The following MACROD2 variants were observed in gnomAD, a reference collection of about 807,000 sequenced individuals.
MACROD2 encodes the protein ADP-ribose glycohydrolase MACROD2.
MACROD2 carries 36 observed loss-of-function variants against 70.4 expected under a neutral mutation model. The ratio of observed to expected loss-of-function variants is 0.51; its 90% CI spans 0.39 to 0.68. MACROD2 has a LOEUF of 0.68. Ranked by LOEUF, MACROD2 falls within the 30% of genes least tolerant of loss-of-function variation. MACROD2 has a pLI of 0.00. For missense variants in MACROD2, 496 were observed against 538.4 expected, an observed-to-expected ratio of 0.92 and a Z score of 0.78; for synonymous variants, 172 against 178.8, an observed-to-expected ratio of 0.96 and a Z score of 0.30.
Position 15,562,359 on chromosome 20 carries a change from A to G in MACROD2, c.645+62512A>G, listed in dbSNP as rs539036649. On this transcript the variant is annotated intron_variant, in intron 8 of 17. Transcript: ENST00000684519. ...AAGCCCATGTGTGAATACAAAGTTA[A>G]TTAGTATGAAAAGTCCCATTTTCCA... is the stretch of plus-strand genomic sequence containing the variant. Among the ~76,000 whole-genome samples the G allele has an allele frequency of 9.8e-5, 15 of 152,314 alleles. No individual in the cohort carries two copies. In the South Asian group the frequency reaches 3.1e-3, roughly 32 times the overall value.
chr20:15,744,766 T>G (rs1431749309), intron 8 of MACROD2, among the ~76,000 whole-genome samples: 1 of 151,922 alleles, frequency 6.6e-6, no homozygotes, highest in African/African-American at 2.4e-5. Context: ...AGGTGCCGTT[T>G]CAGAAGCATT....
At chr20:14,496,409 T>C (rs1568639467) in intron 4 of MACROD2, among the ~76,000 whole-genome samples, 1 of 152,160 alleles carries the variant, frequency 6.6e-6, no homozygotes, top group East Asian at 1.9e-4. Context: ...GTATGCAAAA[T>C]TGTATTAGCC....
intron 3 of MACROD2, among the ~76,000 whole-genome samples, chr20:14,271,096 C>T (rs2082190508): frequency 6.6e-6 from 1 of 152,236 alleles, no homozygotes; most frequent in African/African-American, 2.4e-5. Context: ...GCAGTAACCT[C>T]TGCAGACTTA....
chr20:14,738,365 T>C (rs1301964627), intron 5 of MACROD2, among the ~76,000 whole-genome samples: 1 of 152,150 alleles, frequency 6.6e-6, no homozygotes, highest in East Asian at 1.9e-4. Flanking sequence ...GTGATCGCCT[T>C]ATACTTCAAG....
intron 5 of MACROD2, chr20:14,757,482 G>A: frequency 3.9e-6 from 2 of 518,406 alleles, no homozygotes; most frequent in Non-Finnish European, 3.5e-6. Flanking sequence ...TCTTAGGTAG[G>A]CATTAAAGAA....
At position 16,047,881 on chromosome 20, in the gene MACROD2, C is replaced by A. The variant is rs146669697; in HGVS notation, c.1301-1949C>A. On this transcript the variant is annotated intron_variant, in intron 17 of 17. Transcript: ENST00000684519. ...TCAACGTAAGGAGTTGGAACTGATACCTCTGCATAAATAAATCTAGGACTT... is the reference window on the plus strand; with the variant it reads ...TCAACGTAAGGAGTTGGAACTGATAACTCTGCATAAATAAATCTAGGACTT... Among the ~76,000 whole-genome samples, 22 of 152,282 alleles carry A rather than the reference C, an allele frequency of 1.4e-4. No individual in the cohort carries two copies. In the East Asian group the frequency reaches 4.1e-3, roughly 28 times the overall value.
intron 5 of MACROD2, among the ~76,000 whole-genome samples, chr20:14,973,050 T>C (rs1257479729): frequency 6.6e-6 from 1 of 152,174 alleles, no homozygotes. Flanking sequence ...TAGCAAGCTG[T>C]TATTTTCATC....
At chr20:14,651,894 G>A (rs1985698406) in intron 4 of MACROD2, among the ~76,000 whole-genome samples, 1 of 152,076 alleles carries the variant, frequency 6.6e-6, no homozygotes, top group Non-Finnish European at 1.5e-5. Context: ...TCTCACCTAG[G>A]TAGCAGCCTC....
intron 5 of MACROD2, among the ~76,000 whole-genome samples, chr20:14,826,319 T>C (rs1009822554): frequency 6.6e-6 from 1 of 152,104 alleles, no homozygotes; most frequent in African/African-American, 2.4e-5. Context: ...ATACATGTAT[T>C]ACTATATCCC....
intron 3 of MACROD2, among the ~76,000 whole-genome samples, chr20:14,490,853 C>T (rs2084785648): frequency 6.6e-6 from 1 of 152,126 alleles, no homozygotes; most frequent in Non-Finnish European, 1.5e-5. Flanking sequence ...TTGCTTTCTT[C>T]ACAAACTTCA....
intron 3 of MACROD2, among the ~76,000 whole-genome samples, chr20:14,386,847 C>T (rs904281269): frequency 6.6e-6 from 1 of 152,152 alleles, no homozygotes; most frequent in South Asian, 2.1e-4. Flanking sequence ...TTCTCTGTCT[C>T]CTTTGCTTCA....
At chr20:15,434,789 G>A (rs1166723234) in intron 7 of MACROD2, among the ~76,000 whole-genome samples, 1 of 152,064 alleles carries the variant, frequency 6.6e-6, no homozygotes, top group Non-Finnish European at 1.5e-5. Flanking sequence ...CAACCAATGA[G>A]TAGATAAAGA....
intron 5 of MACROD2, among the ~76,000 whole-genome samples, chr20:14,718,467 C>G (rs1427223657): frequency 6.6e-6 from 1 of 151,906 alleles, no homozygotes; most frequent in African/African-American, 2.4e-5. Flanking sequence ...AACTCCTTCT[C>G]TCCCTCCACT....
chr20:14,899,176 G>A (rs1395074746), intron 5 of MACROD2, among the ~76,000 whole-genome samples: 2 of 152,172 alleles, frequency 1.3e-5, no homozygotes, highest in Non-Finnish European at 2.9e-5. Flanking sequence ...TTAGGAGAAA[G>A]CAGGCATTTG....
Position 14,191,955 on chromosome 20 carries a change from T to C in MACROD2, c.271+106227T>C, listed in dbSNP as rs75561939. Among the ~76,000 whole-genome samples, 814 of 149,394 alleles carry C rather than the reference T, an allele frequency of 5.4e-3. 7 individuals are homozygous for C. The highest frequency in any genetic ancestry group is 0.038 in the Middle Eastern group (11 of 288). ...CTTGATCTGACTTACCTTTTTAAAA[T>C]ACTGTGTGGCTTCTGTATAGTTTGT... is the stretch of plus-strand genomic sequence containing the variant. On this transcript the variant is annotated intron_variant, in intron 3 of 17. Transcript: ENST00000684519.
At chr20:14,216,142 T>A (rs189105185) in intron 3 of MACROD2, among the ~76,000 whole-genome samples, 7 of 152,324 alleles carry the variant, frequency 4.6e-5, no homozygotes, top group Admixed American at 6.5e-5. Context: ...GTTTCAGGTC[T>A]TAGGTTTAAG....
intron 5 of MACROD2, among the ~76,000 whole-genome samples, chr20:14,852,348 T>G (rs1179639633): frequency 6.6e-6 from 1 of 152,074 alleles, no homozygotes; most frequent in Non-Finnish European, 1.5e-5. Flanking sequence ...GGGTCACTGG[T>G]GACTATAGAA....
chr20:15,505,719 CTT>C (rs1319993349), intron 8 of MACROD2, among the ~76,000 whole-genome samples: 5 of 152,234 alleles, frequency 3.3e-5, no homozygotes, highest in Admixed American at 1.3e-4. Flanking sequence ...CTTTGAAGGC[CTT>C]TGGCTAGGTC....
intron 5 of MACROD2, among the ~76,000 whole-genome samples, chr20:14,771,109 C>A (rs1304130003): frequency 6.6e-6 from 1 of 151,936 alleles, no homozygotes; most frequent in Non-Finnish European, 1.5e-5. Context: ...CTGAATAGAA[C>A]AAAAATGTAG....
Sources: allele counts gnomAD v4.1 joint callset (sites outside exome capture counted in the v4.1 genomes callset), GRCh38; gene constraint gnomAD v4.1.1; transcripts MANE v1.5; gene names NCBI Gene and HGNC (gene_info 2026-07-23, HGNC 2026-07-21).